ASAP1: variants seen among roughly 807,000 people sequenced by gnomAD.
ASAP1 encodes arf-GAP with SH3 domain, ANK repeat and PH domain-containing protein 1.
Under a neutral mutation model 145.2 loss-of-function variants are expected in ASAP1, and 43 were observed. That is an observed-to-expected ratio of 0.30 (90% CI 0.23 to 0.38). The LOEUF (loss-of-function observed/expected upper bound fraction) is 0.38. Ranked by LOEUF, ASAP1 falls within the 10% of genes least tolerant of loss-of-function variation. The probability of loss-of-function intolerance (pLI) is 1.00; values close to 1 mark genes in which losing one functional copy is unlikely to be tolerated. For synonymous variants in ASAP1, 546 were observed against 515.5 expected, an observed-to-expected ratio of 1.06 and a Z score of -0.80; for missense variants, 1,018 against 1,355.3, an observed-to-expected ratio of 0.75 and a Z score of 3.91.
chr8:130,227,413 C>T (rs374226776), intron 4 of ASAP1, among the ~76,000 whole-genome samples: 7 of 151,972 alleles, frequency 4.6e-5, no homozygotes, highest in Admixed American at 2.0e-4. Flanking sequence ...CCACCATGCC[C>T]AGCTAATTTT....
chr8:130,125,917 C>A, intron 17 of ASAP1, 39 bp downstream of exon 17: 1 of 1,571,548 alleles, frequency 6.4e-7, no homozygotes, highest in Non-Finnish European at 8.6e-7. Flanking sequence ...TTACTCATGA[C>A]AATAATATCA....
intron 3 of ASAP1, among the ~76,000 whole-genome samples, chr8:130,350,281 C>A (rs1424326817): frequency 6.6e-6 from 1 of 152,306 alleles, no homozygotes; most frequent in African/African-American, 2.4e-5. Context: ...TCCCCACAAC[C>A]CTGTTAAACA....
intron 12 of ASAP1, among the ~76,000 whole-genome samples, chr8:130,155,445 C>CA (rs2097656454): frequency 6.6e-6 from 1 of 152,216 alleles, no homozygotes; most frequent in Non-Finnish European, 1.5e-5. Flanking sequence ...TGGCTCACTG[C>CA]AGTCTTGACC....
chr8:130,115,609 G>A lies in ASAP1; in HGVS notation c.2172+19C>T, dbSNP rs1381160410. On this transcript the variant is annotated intron_variant, in intron 23 of 29. Coordinates refer to ENST00000518721, the MANE Select transcript of ASAP1 (RefSeq NM_018482.4). ...GTTGGGGTAGTTGTTGAGAATTCGA[G>A]GACATAATTTACACTCACTTTGTCA... The A allele has an allele frequency of 1.3e-6, 2 of 1,578,308 alleles. No homozygotes were observed. Among genetic ancestry groups the A allele is most frequent in the Non-Finnish European group, 1.7e-6 (2 of 1,148,518 alleles).
chr8:130,411,848 C>T (rs987972389), intron 1 of ASAP1, among the ~76,000 whole-genome samples: 7 of 152,148 alleles, frequency 4.6e-5, no homozygotes, highest in Admixed American at 1.3e-4. Context: ...TGACCACTGT[C>T]CCAGTGACAG....
chr8:130,170,092 A>G (rs749278163), intron 9 of ASAP1, among the ~76,000 whole-genome samples: 10 of 152,166 alleles, frequency 6.6e-5, no homozygotes, highest in Non-Finnish European at 1.3e-4. Context: ...CCTACAAACA[A>G]CGAGGACCTT....
intron 5 of ASAP1, among the ~76,000 whole-genome samples, chr8:130,203,849 G>A (rs1348319094): frequency 6.6e-6 from 1 of 152,236 alleles, no homozygotes; most frequent in Non-Finnish European, 1.5e-5. Flanking sequence ...ACAGAAGGCT[G>A]TTAATTCTCT....
At chr8:130,054,953 C>G (rs2097400488) in intron 29 of ASAP1, 148 bp from the exon 30 acceptor site, 5 of 671,316 alleles carry the variant, frequency 7.4e-6, no homozygotes. Context: ...TAGTGAACTA[C>G]AGAGAGCTTA....
At chr8:130,392,214 TA>T (rs1828315750) in intron 2 of ASAP1, among the ~76,000 whole-genome samples, 2 of 152,226 alleles carry the variant, frequency 1.3e-5, no homozygotes, top group African/African-American at 4.8e-5. Context: ...ATCTGTTTTT[TA>T]AAAAGCCCCC....
chr8:130,096,953 C>A (rs1331563883), intron 24 of ASAP1, among the ~76,000 whole-genome samples: 1 of 151,666 alleles, frequency 6.6e-6, no homozygotes, highest in Non-Finnish European at 1.5e-5. Context: ...TAATGAAACC[C>A]TGTCTCCACT....
intron 5 of ASAP1, among the ~76,000 whole-genome samples, chr8:130,212,369 A>G (rs940379761): frequency 4.6e-5 from 7 of 152,160 alleles, no homozygotes; most frequent in African/African-American, 1.7e-4. Flanking sequence ...GTGGGTGTGG[A>G]AAAAGGGCTG....
At chr8:130,097,210 C>A (rs2097520263) in intron 24 of ASAP1, among the ~76,000 whole-genome samples, 3 of 150,376 alleles carry the variant, frequency 2.0e-5, no homozygotes, top group Admixed American at 2.0e-4. Flanking sequence ...GTTCTCACCA[C>A]CCTTCATTCT....
At chr8:130,055,662 T>C (rs972702001) in intron 29 of ASAP1, among the ~76,000 whole-genome samples, 1 of 152,264 alleles carries the variant, frequency 6.6e-6, no homozygotes. Context: ...CATTGGCCTG[T>C]AAGCCAGTTA....
At position 130,294,757 on chromosome 8, in the gene ASAP1, G is replaced by A. The variant is rs16904240; in HGVS notation, c.187-57763C>T. On this transcript the variant is annotated intron_variant, in intron 3 of 29. Coordinates refer to ENST00000518721, the MANE Select transcript of ASAP1 (RefSeq NM_018482.4). The stretch of plus-strand genomic sequence containing the variant: ...TTTAACTCCAGTAAAGTCAACAAAA[G>A]GCCAATTCTAGCAGCCATTTAAAGT... Among the ~76,000 whole-genome samples, 544 of 152,220 alleles carry A rather than the reference G, an allele frequency of 3.6e-3. 1 individual carries two copies. Among genetic ancestry groups the A allele is most frequent in the African/African-American group, 0.012 (518 of 41,532 alleles).
intron 24 of ASAP1, among the ~76,000 whole-genome samples, chr8:130,111,750 C>T (rs2097547266): frequency 1.3e-5 from 2 of 152,200 alleles, no homozygotes; most frequent in Admixed American, 1.3e-4. Context: ...CAGATTGAAT[C>T]TCAACTTTAC....
intron 4 of ASAP1, among the ~76,000 whole-genome samples, chr8:130,217,466 TACACGTATATATAC>T (rs1244697411): frequency 6.6e-6 from 1 of 152,050 alleles, no homozygotes; most frequent in Admixed American, 6.6e-5. Flanking sequence ...TATGTATATA[TACACGTATATATAC>T]ACACGTATAT....
chr8:130,338,347 T>C (rs1187776452), intron 3 of ASAP1, among the ~76,000 whole-genome samples: 1 of 152,184 alleles, frequency 6.6e-6, no homozygotes, highest in Non-Finnish European at 1.5e-5. Context: ...TGTAGTTAAC[T>C]ACCTGACATA....
intron 27 of ASAP1, among the ~76,000 whole-genome samples, chr8:130,071,920 C>T (rs188781011): frequency 1.4e-4 from 21 of 152,308 alleles, no homozygotes; most frequent in African/African-American, 4.3e-4. Context: ...TATTAGTTTT[C>T]GTCCACAGTT....
At chr8:130,272,567 C>T (rs934561611) in intron 3 of ASAP1, among the ~76,000 whole-genome samples, 1 of 152,170 alleles carries the variant, frequency 6.6e-6, no homozygotes, top group Non-Finnish European at 1.5e-5. Flanking sequence ...TACTGCAGCA[C>T]TATTCCCAAT....
Sources: allele counts gnomAD v4.1 joint callset (sites outside exome capture counted in the v4.1 genomes callset), GRCh38; gene constraint gnomAD v4.1.1; transcripts MANE v1.5; gene names NCBI Gene and HGNC (gene_info 2026-07-23, HGNC 2026-07-21).